Variants in ARHGAP24 observed in about 807,000 individuals in gnomAD.
ARHGAP24 encodes rho GTPase-activating protein 24.
Under a neutral mutation model 76.4 loss-of-function variants are expected in ARHGAP24, and 50 were observed. That is an observed-to-expected ratio of 0.65 (90% CI 0.52 to 0.83). The LOEUF is 0.83. ARHGAP24 is among the 40% of genes least tolerant of loss of function. The pLI is 0.00. For missense variants in ARHGAP24, 930 were observed against 914.2 expected, an observed-to-expected ratio of 1.02 and a Z score of -0.22; for synonymous variants, 345 against 323.3, an observed-to-expected ratio of 1.07 and a Z score of -0.72.
At chr4:85,913,661 TAAC>T (rs749576448) in intron 3 of ARHGAP24, among the ~76,000 whole-genome samples, 6 of 152,158 alleles carry the variant, frequency 3.9e-5, no homozygotes, top group Non-Finnish European at 7.4e-5. Flanking sequence ...GTGACTGGCA[TAAC>T]AACAGGTGTT....
At chr4:85,785,634 G>A (rs1727803526) in intron 3 of ARHGAP24, among the ~76,000 whole-genome samples, 1 of 151,798 alleles carries the variant, frequency 6.6e-6, no homozygotes, top group Admixed American at 6.6e-5. Flanking sequence ...TTTATTCTTA[G>A]TGTCACAAAA....
At chr4:85,841,099 G>T (rs1730572349) in intron 3 of ARHGAP24, among the ~76,000 whole-genome samples, 1 of 152,188 alleles carries the variant, frequency 6.6e-6, no homozygotes, top group Non-Finnish European at 1.5e-5. Flanking sequence ...ATGGAATCCA[G>T]AAAAACTGCT....
At chr4:85,766,715 A>T (rs1259854991) in intron 3 of ARHGAP24, among the ~76,000 whole-genome samples, 1 of 152,186 alleles carries the variant, frequency 6.6e-6, no homozygotes, top group Non-Finnish European at 1.5e-5. Flanking sequence ...TTCCCCTTTT[A>T]TGCCAAGTGC....
intron 3 of ARHGAP24, among the ~76,000 whole-genome samples, chr4:85,834,280 C>T (rs1730150140): frequency 6.6e-6 from 1 of 152,002 alleles, no homozygotes; most frequent in African/African-American, 2.4e-5. Context: ...TTCCATAGGA[C>T]CTAACACAAT....
At chr4:85,583,739 T>A (rs1727710609) in intron 2 of ARHGAP24, among the ~76,000 whole-genome samples, 1 of 146,806 alleles carries the variant, frequency 6.8e-6, no homozygotes, top group African/African-American at 2.6e-5. Context: ...CTCAAACAAA[T>A]TTACAAGAAA....
chr4:85,867,525 CTTTTT>C (rs1732262998), intron 3 of ARHGAP24, among the ~76,000 whole-genome samples: 1 of 151,924 alleles, frequency 6.6e-6, no homozygotes, highest in Non-Finnish European at 1.5e-5. Flanking sequence ...AAATTTTTTT[CTTTTT>C]ATTTTTAGCT....
At chr4:85,487,480 TTATA>T (rs1388650649) in intron 1 of ARHGAP24, among the ~76,000 whole-genome samples, 31 of 107,338 alleles carry the variant, frequency 2.9e-4, no homozygotes, top group Non-Finnish European at 4.5e-4. Flanking sequence ...TTATTACATA[TTATA>T]TAAACATATA....
At chr4:85,678,771 C>T (rs893535731) in intron 2 of ARHGAP24, among the ~76,000 whole-genome samples, 40 of 152,216 alleles carry the variant, frequency 2.6e-4, no homozygotes, top group African/African-American at 8.9e-4. Flanking sequence ...TCAAACAAGT[C>T]TTAGTCATTT....
At chr4:85,591,687 A>G (rs1469181774) in intron 2 of ARHGAP24, among the ~76,000 whole-genome samples, 8 of 152,182 alleles carry the variant, frequency 5.3e-5, no homozygotes. Flanking sequence ...CAGCGGCTCA[A>G]GATTATCCCT....
chr4:85,784,967 C>G (rs562912881), intron 3 of ARHGAP24, among the ~76,000 whole-genome samples: 1 of 148,906 alleles, frequency 6.7e-6, no homozygotes. Flanking sequence ...ATCTCTCTAT[C>G]TCTCTATCTG....
intron 3 of ARHGAP24, among the ~76,000 whole-genome samples, chr4:85,791,253 C>G (rs1728107119): frequency 6.6e-6 from 1 of 152,074 alleles, no homozygotes; most frequent in African/African-American, 2.4e-5. Context: ...TTTTGTTTTT[C>G]AGAATGAACT....
chr4:85,730,216 T>C (rs943904061), intron 3 of ARHGAP24, among the ~76,000 whole-genome samples: 2 of 152,220 alleles, frequency 1.3e-5, no homozygotes, highest in Non-Finnish European at 2.9e-5. Context: ...TGAAATCTCT[T>C]ATGTGACTTT....
At chr4:85,933,349 A>T (rs747387377) in intron 4 of ARHGAP24, among the ~76,000 whole-genome samples, 4 of 152,122 alleles carry the variant, frequency 2.6e-5, no homozygotes, top group Non-Finnish European at 4.4e-5. Context: ...CGGTTTTAGA[A>T]ATGCTGTCAG....
chr4:85,686,093 T>C (rs1723413323), intron 2 of ARHGAP24, among the ~76,000 whole-genome samples: 1 of 152,214 alleles, frequency 6.6e-6, no homozygotes, highest in Non-Finnish European at 1.5e-5. Flanking sequence ...TAGTTTTCCC[T>C]GGAGGATCAG....
At chr4:85,786,506 T>G (rs1425840329) in intron 3 of ARHGAP24, among the ~76,000 whole-genome samples, 1 of 152,208 alleles carries the variant, frequency 6.6e-6, no homozygotes, top group Non-Finnish European at 1.5e-5. Context: ...AAAATATTTA[T>G]GAATCGCCCC....
intron 8 of ARHGAP24, chr4:85,989,859 C>T (rs918845990): frequency 6.6e-6 from 1 of 151,652 alleles, no homozygotes; most frequent in Non-Finnish European, 1.5e-5. Flanking sequence ...AGTTAAAATA[C>T]TATTGTTAAT....
At chr4:85,487,868 A>T (rs1723188113) in intron 1 of ARHGAP24, among the ~76,000 whole-genome samples, 1 of 124,206 alleles carries the variant, frequency 8.1e-6, no homozygotes, top group African/African-American at 3.1e-5. Flanking sequence ...TATATATTAT[A>T]TAAATATATA....
chr4:85,824,945 C>A (rs1174075076), intron 3 of ARHGAP24, among the ~76,000 whole-genome samples: 2 of 152,064 alleles, frequency 1.3e-5, no homozygotes, highest in African/African-American at 4.8e-5. Context: ...TAAAAATTAG[C>A]CAGGTGTGAT....
intron 4 of ARHGAP24, among the ~76,000 whole-genome samples, chr4:85,926,493 A>C (rs1736031913): frequency 6.6e-6 from 1 of 152,180 alleles, no homozygotes; most frequent in Non-Finnish European, 1.5e-5. Flanking sequence ...GTTAATACTG[A>C]TAAGAGATCC....
Sources: allele counts gnomAD v4.1 joint callset (sites outside exome capture counted in the v4.1 genomes callset), GRCh38; gene constraint gnomAD v4.1.1; transcripts MANE v1.5; gene names NCBI Gene and HGNC (gene_info 2026-07-23, HGNC 2026-07-21).